The following CRBN variants were observed in gnomAD, a reference collection of about 807,000 sequenced individuals.
The protein encoded by CRBN is protein cereblon.
A neutral mutation model predicts 62.2 loss-of-function variants in CRBN; 53 were observed. The ratio of observed to expected loss-of-function variants is 0.85; its 90% CI spans 0.68 to 1.07. CRBN has a LOEUF of 1.07. Ranked by LOEUF, CRBN falls within the 50% of genes least tolerant of loss-of-function variation. CRBN has a pLI of 0.00. For missense variants in CRBN, 616 were observed against 531.1 expected (o/e 1.16, Z -1.57); for synonymous variants, 208 against 176.1 (o/e 1.18, Z -1.43).
intron 4 of CRBN, among the ~76,000 whole-genome samples, chr3:3,168,793 C>T (rs1707461968): frequency 6.6e-6 from 1 of 152,108 alleles, no homozygotes. Flanking sequence ...TAATAGTAGA[C>T]TCACTCTACT....
intron 10 of CRBN, among the ~76,000 whole-genome samples, chr3:3,151,507 C>CTAAAA (rs1706550574): frequency 6.6e-6 from 1 of 152,142 alleles, no homozygotes; most frequent in African/African-American, 2.4e-5. Flanking sequence ...TATTTATATT[C>CTAAAA]TAAAATAAGA....
intron 4 of CRBN, chr3:3,172,091 G>A (rs3749360): frequency 0.12 from 18,999 of 152,220 alleles, 1,292 homozygotes; most frequent in Admixed American, 0.17. Context: ...TTGAATTTGT[G>A]CAAAACCCAG....
At chr3:3,171,162 C>T (rs1245779217) in intron 4 of CRBN, among the ~76,000 whole-genome samples, 10 of 152,134 alleles carry the variant, frequency 6.6e-5, no homozygotes, top group African/African-American at 1.7e-4. Flanking sequence ...TCAGAGTTAA[C>T]GGTATACTGC....
intron 3 of CRBN, chr3:3,173,745 C>T (rs1386567494): frequency 8.7e-6 from 3 of 346,166 alleles, no homozygotes; most frequent in Non-Finnish European, 1.6e-5. Context: ...AGCACTACTT[C>T]TCTATAATGA....
chr3:3,153,066 A>T lies in CRBN; in HGVS notation c.1016+358T>A, dbSNP rs577140355. 9.8e-6 allele frequency: 3 copies of T among 307,074 alleles called. No homozygotes were observed. In the South Asian group the frequency reaches 1.0e-4, roughly 11 times the overall value. The allele number at this position is 307,074 out of a possible 1,614,324, so 19.0% of individuals were successfully genotyped here. A position where few individuals can be genotyped will look rare whatever the true frequency, so the allele number is the denominator to read the frequency against. On this transcript the variant is annotated intron_variant, in intron 9 of 10. Coordinates refer to ENST00000231948, the MANE Select transcript of CRBN (RefSeq NM_016302.4). Reference sequence around the variant, plus strand: ...CAGTATGTGTTCAGAAGCATGTCCTACTTTGGCCCTATATGGCAAAACTGA... The same window carrying T: ...CAGTATGTGTTCAGAAGCATGTCCTTCTTTGGCCCTATATGGCAAAACTGA...
intron 2 of CRBN, among the ~76,000 whole-genome samples, 163 bp from the exon 3 acceptor site, chr3:3,174,424 T>C (rs1207238197): frequency 6.6e-6 from 1 of 152,110 alleles, no homozygotes; most frequent in Non-Finnish European, 1.5e-5. Flanking sequence ...GCGGATCACC[T>C]GAGGTCAGGA....
chr3:3,153,699 CCTT>C (rs1436230315), intron 8 of CRBN: 2 of 614,860 alleles, frequency 3.3e-6, no homozygotes, highest in Non-Finnish European at 5.8e-6. Context: ...AACTAAATGA[CCTT>C]CTCTAGAGTA....
chr3:3,157,468 G>GA (rs1706945959), intron 5 of CRBN, among the ~76,000 whole-genome samples: 1 of 152,088 alleles, frequency 6.6e-6, no homozygotes, highest in African/African-American at 2.4e-5. Flanking sequence ...ACCAGAACAA[G>GA]AAAAACAAGG....
chr3:3,157,816 AC>A (rs538649735), intron 5 of CRBN, among the ~76,000 whole-genome samples: 10 of 152,334 alleles, frequency 6.6e-5, no homozygotes, highest in Admixed American at 2.0e-4. Context: ...AATCTATGAG[AC>A]AATGTTATTC....
chr3:3,155,103 C>A, intron 6 of CRBN: 1 of 464,352 alleles, frequency 2.2e-6, no homozygotes, highest in Non-Finnish European at 3.9e-6. Context: ...GTTCTATGCC[C>A]CTGCTTGGAA....
At chr3:3,156,045 C>A (rs555928679) in intron 6 of CRBN, 174 bp downstream of exon 6, 10 of 610,026 alleles carry the variant, frequency 1.6e-5, no homozygotes, top group Non-Finnish European at 2.6e-5. Context: ...TTCAAGCAAT[C>A]CCCCTGCCTT....
rs1357331528 is a variant in CRBN at position 3,174,041 on chromosome 3, T to G, written c.377+18A>C. 1 of 1,602,292 alleles carries G rather than the reference T, an allele frequency of 6.2e-7. No homozygotes were observed. Among genetic ancestry groups the G allele is most frequent in the South Asian group, 1.1e-5 (1 of 90,832 alleles). ...CATGAGAGGGAATGTATTAAGCAAA[T>G]GGACTCTAATATTTTACCTGTATGC... On this transcript the variant is annotated intron_variant, in intron 3 of 10. Coordinates refer to ENST00000231948, the MANE Select transcript of CRBN (RefSeq NM_016302.4).
At chr3:3,153,225 A>C (rs1706707662) in intron 9 of CRBN, 199 bp downstream of exon 9, 1 of 536,494 alleles carries the variant, frequency 1.9e-6, no homozygotes, top group South Asian at 2.1e-5. Context: ...TTACCTGTGA[A>C]TAATCCCTGA....
Position 3,151,063 on chromosome 3 carries a change from G to GAT in CRBN, c.1149-20_1149-19dup. On this transcript the variant is annotated intron_variant, in intron 10 of 10. Coordinates refer to ENST00000231948, the MANE Select transcript of CRBN (RefSeq NM_016302.4). ...AGGCATACCTAAGAAATTAAGGAAA[G>GAT]ATATCAGCTAAGGAAACATTTCTGT... 1.2e-6 allele frequency: 2 copies of GAT among 1,613,056 alleles called. No homozygotes were observed. Among genetic ancestry groups the GAT allele is most frequent in the Non-Finnish European group, 1.7e-6 (2 of 1,179,392 alleles).
intron 8 of CRBN, 99 bp downstream of exon 8, chr3:3,153,861 T>C: frequency 1.3e-6 from 1 of 760,916 alleles, no homozygotes; most frequent in African/African-American, 1.7e-5. Flanking sequence ...ATGACTACAT[T>C]ACTGGACTCT....
intron 5 of CRBN, among the ~76,000 whole-genome samples, chr3:3,161,895 C>T (rs938455794): frequency 6.6e-6 from 1 of 152,172 alleles, no homozygotes; most frequent in Non-Finnish European, 1.5e-5. Context: ...GAGCAATGCT[C>T]TATAAACTAA....
At chr3:3,170,122 G>A (rs1219786274) in intron 4 of CRBN, among the ~76,000 whole-genome samples, 2 of 152,130 alleles carry the variant, frequency 1.3e-5, no homozygotes, top group Non-Finnish European at 2.9e-5. Context: ...TGGAATTACA[G>A]GCACAGGCCA....
In CRBN at chr3:3,156,352, T is replaced by C; in HGVS notation, c.688-71A>G. 4 of 1,377,944 alleles carry C rather than the reference T, an allele frequency of 2.9e-6. No homozygotes were observed. The South Asian group carries it at 4.8e-5, about 17-fold the overall frequency. 85.4% of individuals were successfully genotyped at this position (1,377,944 alleles called of 1,614,324 possible). On this transcript the variant is annotated intron_variant, in intron 5 of 10. Coordinates refer to ENST00000231948, the MANE Select transcript of CRBN (RefSeq NM_016302.4). The stretch of plus-strand genomic sequence containing the variant: ...GATTCTAATGCTGGAATGAGCAACA[T>C]CTGAAAAATGATTTTGGCCTAGGAA...
intron 5 of CRBN, 141 bp downstream of exon 5, chr3:3,167,493 T>G: frequency 2.5e-6 from 2 of 802,936 alleles, no homozygotes; most frequent in South Asian, 1.7e-5. Flanking sequence ...TGTGCAATTT[T>G]TAGAGGATCA....
Sources: gnomAD v4.1 joint callset for allele counts (sites outside exome capture counted in the v4.1 genomes callset) on GRCh38, gnomAD v4.1.1 for gene constraint, MANE v1.5 for transcripts, NCBI Gene and HGNC (gene_info 2026-07-23, HGNC 2026-07-21) for gene names.